The following HRH2 variants were observed in gnomAD, a reference collection of about 807,000 sequenced individuals.
The protein encoded by HRH2 is histamine H2 receptor.
Under a neutral mutation model 20.1 loss-of-function variants are expected in HRH2, and 4 were observed. That is an observed-to-expected ratio of 0.20 (90% CI 0.10 to 0.45). The LOEUF (loss-of-function observed/expected upper bound fraction) is 0.45, where lower values mean the gene tolerates loss of function less well. Among genes scored for constraint, HRH2 ranks in the 20% least tolerant of loss-of-function variants. The probability of loss-of-function intolerance (pLI) is 0.99; values close to 1 mark genes in which losing one functional copy is unlikely to be tolerated. For missense variants in HRH2, 250 were observed against 461.6 expected (o/e 0.54, Z 4.20); for synonymous variants, 197 against 200.7 (o/e 0.98, Z 0.16).
chr5:175,684,194 G>C lies in HRH2; in HGVS notation c.961G>C (p.Ala321Pro), dbSNP rs755790676. 6 of 1,614,158 alleles carry C rather than the reference G, an allele frequency of 3.7e-6. No individual in the cohort carries two copies. Among genetic ancestry groups the C allele is most frequent in the African/African-American group, 2.7e-5 (2 of 75,024 alleles). ...CCACAAAACTTCTCTGAGGTCCAAC[G>C]CCTCTCAGCTGTCCAGGACCCAAAG... The part of the protein sequence containing the change: ...NSHKTSLRSN[A>P]SQLSRTQSRE... The change falls in exon 2 of 3, where the codon GCC becomes CCC. Residue 321 changes from alanine to proline, a missense_variant. Ala to Pro is a conservative substitution (Grantham distance 27). Transcript: ENST00000636584.
intron 1 of HRH2, among the ~76,000 whole-genome samples, chr5:175,668,519 G>A (rs1755396586): frequency 6.6e-6 from 1 of 152,194 alleles, no homozygotes; most frequent in African/African-American, 2.4e-5. Flanking sequence ...CATTTTACAA[G>A]TAAGGGAAAT....
chr5:175,683,122 T>G lies in HRH2; in HGVS notation c.-112T>G. ...AAAAAAAAAAAAAAAACTGGACACA[T>G]TTTGGATCTGTTGGGAGCTTGGAGT... On this transcript the variant is annotated 5_prime_UTR_variant, in exon 2 of 3. Transcript: ENST00000636584. The G allele has an allele frequency of 1.6e-5, 16 of 1,019,462 alleles. No individual in the cohort carries two copies. Among genetic ancestry groups the G allele is most frequent in the African/African-American group, 1.9e-5 (1 of 53,288 alleles). The allele number at this position is 1,019,462 out of a possible 1,614,324, so 63.2% of individuals were successfully genotyped here. A position where few individuals can be genotyped will look rare whatever the true frequency, so the allele number is the denominator to read the frequency against.
In HRH2 at chr5:175,683,629, A is replaced by C. The variant is rs771795427; in HGVS notation, c.396A>C (p.Pro132=). Reference sequence around the variant, plus strand: ...TGCGGTACCCTGTGCTGGTCACCCCAGTTCGGGTCGCCATCTCTCTGGTCT... The same window carrying C: ...TGCGGTACCCTGTGCTGGTCACCCCCGTTCGGGTCGCCATCTCTCTGGTCT... The part of the protein sequence containing the change: ...DPLRYPVLVT[P]VRVAISLVLI... The change falls in exon 2 of 3, where the codon CCA becomes CCC. Residue 132 remains proline (P), a synonymous_variant. Transcript: ENST00000636584. 5.0e-6 allele frequency: 8 copies of C among 1,613,960 alleles called. No individual in the cohort carries two copies. The highest frequency in any genetic ancestry group is 1.3e-5 in the African/African-American group (1 of 74,874).
chr5:175,677,568 A>G lies in HRH2; in HGVS notation c.-525-5141A>G, dbSNP rs1241442557. On this transcript the variant is annotated intron_variant, in intron 1 of 2. Coordinates refer to ENST00000636584, the MANE Select transcript of HRH2 (RefSeq NM_001367711.1). The surrounding 1 kb of genome is among the most constrained non-coding windows in gnomAD (Gnocchi z 4.2). ...GCTTGGAGAGGCTTGTCTTCCTTGC[A>G]ACACTAAAATAACTCCCTGCTTCCT... 6.6e-6 allele frequency among the ~76,000 whole-genome samples: 1 copy of G among 152,088 alleles called. No individual in the cohort carries two copies. Among genetic ancestry groups the G allele is most frequent in the East Asian group, 1.9e-4 (1 of 5,178 alleles).
chr5:175,659,873 G>T (rs902117327), intron 1 of HRH2, among the ~76,000 whole-genome samples: 1 of 152,102 alleles, frequency 6.6e-6, no homozygotes, highest in African/African-American at 2.4e-5. Flanking sequence ...TTTCTCTAAG[G>T]GTCTGGAAGG....
chr5:175,676,290 G>A (rs554380047), intron 1 of HRH2, among the ~76,000 whole-genome samples: 28 of 152,332 alleles, frequency 1.8e-4, no homozygotes, highest in African/African-American at 2.9e-4. Flanking sequence ...TGTGTGTGCC[G>A]GAGTACACAC....
chr5:175,665,395 TAAAG>T (rs1762857364), intron 1 of HRH2, among the ~76,000 whole-genome samples: 1 of 151,790 alleles, frequency 6.6e-6, no homozygotes, highest in South Asian at 2.1e-4. Flanking sequence ...GTGTGAGAAT[TAAAG>T]AGAGTTAAAG....
rs184798651 is a variant in HRH2, at chr5:175,697,191, C to T, written c.1077-10588C>T. ...TTTAAAGAGGATGCCCGGCCGGGCG[C>T]GGTGGCTCACGCCTGTAATCCCAGC... On this transcript the variant is annotated intron_variant, in intron 2 of 2. Transcript: ENST00000636584. Among the ~76,000 whole-genome samples, 204 of 152,200 alleles carry T rather than the reference C, an allele frequency of 1.3e-3. 3 individuals carry two copies. In the East Asian group the frequency reaches 0.025, roughly 18 times the overall value.
intron 1 of HRH2, among the ~76,000 whole-genome samples, chr5:175,676,700 G>A (rs143049310): frequency 3.3e-5 from 5 of 152,272 alleles, no homozygotes; most frequent in Non-Finnish European, 5.9e-5. Flanking sequence ...AATGTATATC[G>A]TACTTATTAA....
At chr5:175,668,111 T>C (rs1005629979) in intron 1 of HRH2, among the ~76,000 whole-genome samples, 1 of 152,168 alleles carries the variant, frequency 6.6e-6, no homozygotes, top group African/African-American at 2.4e-5. Flanking sequence ...GCTCCAGGGC[T>C]GGGACTGTGT....
chr5:175,676,996 TTC>T (rs939357912), intron 1 of HRH2, among the ~76,000 whole-genome samples: 3 of 152,220 alleles, frequency 2.0e-5, no homozygotes, highest in African/African-American at 7.2e-5. Context: ...TTTCTTTTCT[TTC>T]TCTCTTTCTT....
chr5:175,659,718 C>A (rs142070883), intron 1 of HRH2, among the ~76,000 whole-genome samples: 85 of 152,226 alleles, frequency 5.6e-4, no homozygotes, highest in African/African-American at 2.0e-3. Context: ...GTATAAGTTG[C>A]GGCATAGCAC....
At chr5:175,663,976 A>G (rs995770692) in intron 1 of HRH2, among the ~76,000 whole-genome samples, 4 of 152,148 alleles carry the variant, frequency 2.6e-5, no homozygotes, top group African/African-American at 9.7e-5. Context: ...ATGCCGTGTG[A>G]CAGCAATGCC....
At chr5:175,670,003 T>C (rs1279258915) in intron 1 of HRH2, among the ~76,000 whole-genome samples, 1 of 152,196 alleles carries the variant, frequency 6.6e-6, no homozygotes, top group Non-Finnish European at 1.5e-5. Flanking sequence ...AGCAGCCCCC[T>C]CGGGGTGACA....
chr5:175,700,129 A>C (rs1049974815), intron 2 of HRH2, among the ~76,000 whole-genome samples: 1 of 152,170 alleles, frequency 6.6e-6, no homozygotes, highest in African/African-American at 2.4e-5. Context: ...ACCTCCTCCT[A>C]TTCACTCCTA....
intron 1 of HRH2, among the ~76,000 whole-genome samples, chr5:175,665,314 TGGAGAGGGGGAGTAGAGGCAGCG>T (rs1042596816): frequency 2.0e-5 from 3 of 151,996 alleles, no homozygotes; most frequent in African/African-American, 7.3e-5. Flanking sequence ...TCCAGGTGGC[TGGAGAGGGGGAGTAGAGGCAGCG>T]GGAGAGGGAG....
chr5:175,677,137 G>T lies in HRH2; in HGVS notation c.-525-5572G>T, dbSNP rs1037753531. On this transcript the variant is annotated intron_variant, in intron 1 of 2. Coordinates refer to ENST00000636584, the MANE Select transcript of HRH2 (RefSeq NM_001367711.1). This position sits in a 1 kb window ranked among gnomAD's most constrained non-coding sequence, Gnocchi z 4.2. Reference sequence around the variant, plus strand: ...GGCCTCCCGAGTAGCCTGCCCTACAGGCGTGCACAACTATGCCCAGCTAAT... The same window carrying T: ...GGCCTCCCGAGTAGCCTGCCCTACATGCGTGCACAACTATGCCCAGCTAAT... Among the ~76,000 whole-genome samples, 1 of 152,118 alleles carries T rather than the reference G, an allele frequency of 6.6e-6. No individual in the cohort carries two copies. Among genetic ancestry groups the T allele is most frequent in the Non-Finnish European group, 1.5e-5 (1 of 68,030 alleles).
intron 1 of HRH2, among the ~76,000 whole-genome samples, chr5:175,664,283 C>T (rs1409501413): frequency 6.6e-6 from 1 of 152,198 alleles, no homozygotes; most frequent in Non-Finnish European, 1.5e-5. Flanking sequence ...GCCATTCATT[C>T]ACACATTCAG....
rs766146872 is a variant in HRH2 at position 175,686,182 on chromosome 5, A to G, written c.1076+1873A>G. On this transcript the variant is annotated intron_variant, in intron 2 of 2. Coordinates refer to ENST00000636584, the MANE Select transcript of HRH2 (RefSeq NM_001367711.1). The surrounding 1 kb of genome is among the most constrained non-coding windows in gnomAD (Gnocchi z 4.7). ...AATCTCTTATTCAGGAGGCAGCTGG[A>G]GTGCAAAGCTGACTTAGTTCACAAA... 5 of 152,276 alleles carry G rather than the reference A, an allele frequency of 3.3e-5. No individual in the cohort carries two copies. The highest frequency in any genetic ancestry group is 3.3e-4 in the Admixed American group (5 of 15,274). 9.4% of individuals were successfully genotyped at this position (152,276 alleles called of 1,614,324 possible). A position where few individuals can be genotyped will look rare whatever the true frequency, so the allele number is the denominator to read the frequency against.
Sources: gnomAD v4.1 joint callset for allele counts (sites outside exome capture counted in the v4.1 genomes callset) on GRCh38, gnomAD v4.1.1 for gene constraint, Gnocchi (gnomAD v3.1) non-coding constraint, MANE v1.5 for transcripts, NCBI Gene and HGNC (gene_info 2026-07-23, HGNC 2026-07-21) for gene names.